Variants in ESR1 observed in about 807,000 individuals in gnomAD.
The protein encoded by ESR1 is estrogen receptor 1, also known as estrogen receptor.
Under a neutral mutation model 52.7 loss-of-function variants are expected in ESR1, and 12 were observed. That is an observed-to-expected ratio of 0.23 (90% confidence interval 0.15 to 0.37). The LOEUF is 0.37. ESR1 is among the 10% of genes least tolerant of loss of function. The pLI, the probability that ESR1 is intolerant of heterozygous loss-of-function variation, is 1.00. For missense variants in ESR1, 584 were observed against 779.7 expected (o/e 0.75, Z 2.99); for synonymous variants, 305 against 316.8 (o/e 0.96, Z 0.39).
At chr6:151,862,782 C>G (rs566350134) in intron 2 of ESR1, among the ~76,000 whole-genome samples, 1 of 152,188 alleles carries the variant, frequency 6.6e-6, no homozygotes, top group East Asian at 1.9e-4. Flanking sequence ...GTAGTTTTCT[C>G]TTGCTTAACA....
chr6:152,078,190 A>G (rs1399004827), intron 6 of ESR1, among the ~76,000 whole-genome samples: 1 of 152,156 alleles, frequency 6.6e-6, no homozygotes, highest in Non-Finnish European at 1.5e-5. Flanking sequence ...ACGAGATCTC[A>G]TGGTTTTATC....
intron 2 of ESR1, among the ~76,000 whole-genome samples, chr6:151,797,851 C>CT (rs1042007988): frequency 1.3e-5 from 2 of 152,248 alleles, no homozygotes; most frequent in Admixed American, 6.5e-5. Context: ...CCTATGTTTT[C>CT]TTTTTTGTAT....
intron 4 of ESR1, among the ~76,000 whole-genome samples, chr6:152,004,332 G>A (rs1281831298): frequency 1.3e-5 from 2 of 152,086 alleles, no homozygotes; most frequent in East Asian, 3.9e-4. Flanking sequence ...TGGTTACTTG[G>A]GTTGGAGTTG....
rs141965449 is a variant in ESR1 at position 151,815,653 on chromosome 6, C to T, written c.452+7289C>T. Among the ~76,000 whole-genome samples, 12 of 152,316 alleles carry T rather than the reference C, an allele frequency of 7.9e-5. No individual in the cohort carries two copies. The East Asian group carries it at 1.2e-3, about 15-fold the overall frequency. On this transcript the variant is annotated intron_variant, in intron 1 of 7. Coordinates refer to ENST00000206249, the MANE Select transcript of ESR1 (RefSeq NM_000125.4). ...CTCCACACAGCATTCCAAGTACAGTCGGCCCTCATTATTCATGGATTCTGT... is the reference window on the plus strand; with the variant it reads ...CTCCACACAGCATTCCAAGTACAGTTGGCCCTCATTATTCATGGATTCTGT...
intron 4 of ESR1, among the ~76,000 whole-genome samples, chr6:151,979,270 A>T (rs2039759906): frequency 6.6e-6 from 1 of 152,208 alleles, no homozygotes; most frequent in Admixed American, 6.5e-5. Flanking sequence ...ATTCCAGCCG[A>T]TAGCAATTAT....
At chr6:151,717,903 T>C (rs1460534119) in intron 2 of ESR1, among the ~76,000 whole-genome samples, 1 of 152,222 alleles carries the variant, frequency 6.6e-6, no homozygotes, top group African/African-American at 2.4e-5. Context: ...TTATATGCTA[T>C]ACTAAATCAG....
At chr6:151,810,602 A>G (rs1282684665) in intron 1 of ESR1, among the ~76,000 whole-genome samples, 2 of 152,234 alleles carry the variant, frequency 1.3e-5, no homozygotes, top group Non-Finnish European at 2.9e-5. Context: ...ACTGCTTGTC[A>G]TGACCCAGAG....
At chr6:151,900,527 C>T (rs531522782) in intron 3 of ESR1, among the ~76,000 whole-genome samples, 161 of 152,184 alleles carry the variant, frequency 1.1e-3, no homozygotes, top group African/African-American at 3.4e-3. Context: ...CTTGTTTTGT[C>T]GTATTACTGG....
At chr6:151,837,879 T>C (rs1000013375) in intron 1 of ESR1, among the ~76,000 whole-genome samples, 1 of 152,220 alleles carries the variant, frequency 6.6e-6, no homozygotes, top group Non-Finnish European at 1.5e-5. Flanking sequence ...CCTTCACTTA[T>C]AATAAAGGGA....
chr6:151,945,506 C>G (rs2035595274), intron 4 of ESR1, among the ~76,000 whole-genome samples: 2 of 152,118 alleles, frequency 1.3e-5, no homozygotes, highest in African/African-American at 4.8e-5. Context: ...GAGAAGAACT[C>G]AAGTTTGTAT....
chr6:151,931,497 A>C (rs1314937152), intron 3 of ESR1, among the ~76,000 whole-genome samples: 1 of 151,334 alleles, frequency 6.6e-6, no homozygotes, highest in Non-Finnish European at 1.5e-5. Flanking sequence ...ACATGTGCAC[A>C]TTGTGCAGGT....
chr6:152,006,595 G>A (rs1235736047), intron 4 of ESR1, among the ~76,000 whole-genome samples: 3 of 151,992 alleles, frequency 2.0e-5, no homozygotes, highest in Admixed American at 1.3e-4. Flanking sequence ...TATTTAGCTT[G>A]TAGCCATCAT....
chr6:152,129,238 A>G (rs555936369), exon 7 of ESR1: 2 of 152,382 alleles, frequency 1.3e-5, no homozygotes, highest in Non-Finnish European at 2.9e-5. Flanking sequence ...TTTGGGAACC[A>G]AAGAGTGACT....
intron 1 of ESR1, among the ~76,000 whole-genome samples, chr6:151,660,083 G>A (rs920020644): frequency 5.9e-5 from 9 of 152,194 alleles, no homozygotes; most frequent in African/African-American, 4.8e-5. Flanking sequence ...TAATTTCAAA[G>A]AAATCAGAAT....
intron 3 of ESR1, among the ~76,000 whole-genome samples, chr6:151,899,845 C>G (rs952661596): frequency 1.3e-5 from 2 of 150,806 alleles, no homozygotes; most frequent in Admixed American, 1.3e-4. Flanking sequence ...GGATGGCGGC[C>G]GGGAAGAGGC....
At chr6:152,045,748 C>T (rs1042912624) in intron 5 of ESR1, among the ~76,000 whole-genome samples, 2 of 152,130 alleles carry the variant, frequency 1.3e-5, no homozygotes, top group African/African-American at 4.8e-5. Context: ...GCTGAATCGC[C>T]TAACCTATGA....
chr6:151,980,431 G>A (rs190708630), intron 4 of ESR1, among the ~76,000 whole-genome samples: 9 of 152,250 alleles, frequency 5.9e-5, no homozygotes, highest in African/African-American at 2.2e-4. Context: ...TTTTAGGAGG[G>A]GGAGAAGCAA....
intron 1 of ESR1, among the ~76,000 whole-genome samples, chr6:151,667,960 A>G (rs1777887158): frequency 6.6e-6 from 1 of 152,242 alleles, no homozygotes; most frequent in Non-Finnish European, 1.5e-5. Flanking sequence ...TGCCAAAGAG[A>G]TGAAGAGAAA....
chr6:151,945,870 A>G (rs1010434306), intron 4 of ESR1, among the ~76,000 whole-genome samples: 1 of 152,240 alleles, frequency 6.6e-6, no homozygotes, highest in Non-Finnish European at 1.5e-5. Flanking sequence ...ATAAGGAGCC[A>G]GCAGTACCAG....
Sources: gnomAD v4.1 joint callset for allele counts (sites outside exome capture counted in the v4.1 genomes callset) on GRCh38, gnomAD v4.1.1 for gene constraint, MANE v1.5 for transcripts, NCBI Gene and HGNC (gene_info 2026-07-23, HGNC 2026-07-21) for gene names.